Variants in SLC30A7 observed in about 807,000 individuals in gnomAD.
The protein encoded by SLC30A7 is zinc transporter 7.
A neutral mutation model predicts 46.0 loss-of-function variants in SLC30A7; 35 were observed. That is an observed-to-expected ratio of 0.76 (90% CI 0.58 to 1.01). SLC30A7 has a LOEUF of 1.01. Among genes scored for constraint, SLC30A7 ranks in the 50% least tolerant of loss-of-function variants. The probability of loss-of-function intolerance (pLI) is 0.00; values close to 1 mark genes in which losing one functional copy is unlikely to be tolerated. For missense variants in SLC30A7, 464 were observed against 451.1 expected (o/e 1.03, Z -0.26); for synonymous variants, 147 against 157.8 (o/e 0.93, Z 0.51).
intron 10 of SLC30A7, among the ~76,000 whole-genome samples, chr1:100,967,000 C>T (rs1049444474): frequency 1.3e-5 from 2 of 152,058 alleles, no homozygotes; most frequent in Non-Finnish European, 2.9e-5. Flanking sequence ...AGGCTCATGC[C>T]ATCATGAGTT....
chr1:100,952,747 T>C (rs1370634797), intron 8 of SLC30A7, among the ~76,000 whole-genome samples: 6 of 152,246 alleles, frequency 3.9e-5, no homozygotes, highest in Admixed American at 3.3e-4. Context: ...AGATTAACTG[T>C]ACTTTCAAAG....
In SLC30A7 at chr1:100,906,968, A is replaced by G. The variant is rs1651715469; in HGVS notation, c.296+3A>G. ...GATAATGATGCTTTCTCCTATGGGT[A>G]AGACTTTAAGAAAAAAAATCTTTTT... is the stretch of plus-strand genomic sequence containing the variant. On this transcript the variant is annotated splice_donor_region_variant and intron_variant, in intron 3 of 10. Transcript: ENST00000357650. 1 of 1,570,176 alleles carries G rather than the reference A, an allele frequency of 6.4e-7. No individual in the cohort carries two copies. The highest frequency in any genetic ancestry group is 1.1e-5 in the South Asian group (1 of 88,972).
At chr1:100,951,520 C>T (rs1654950156) in intron 8 of SLC30A7, among the ~76,000 whole-genome samples, 1 of 152,212 alleles carries the variant, frequency 6.6e-6, no homozygotes, top group Non-Finnish European at 1.5e-5. Context: ...AACTTTTCCA[C>T]AGCATTACTT....
intron 8 of SLC30A7, among the ~76,000 whole-genome samples, chr1:100,934,674 A>T (rs1186426453): frequency 6.7e-6 from 1 of 149,970 alleles, no homozygotes; most frequent in African/African-American, 2.4e-5. Context: ...ATACCTATAT[A>T]TATATATATT....
In SLC30A7 at chr1:100,918,203, T is replaced by G. The variant is rs960773410; in HGVS notation, c.706+76T>G. On this transcript the variant is annotated intron_variant, in intron 7 of 10. Coordinates refer to ENST00000357650, the MANE Select transcript of SLC30A7 (RefSeq NM_133496.5). ...GTTTTGAAGTTTTAGTTGTCTGAAG[T>G]TTTCCTTTAAGAAAAATATAAAACA... is the stretch of plus-strand genomic sequence containing the variant. 9.4e-6 allele frequency: 12 copies of G among 1,272,024 alleles called. No homozygotes were observed. The Admixed American group carries it at 1.1e-4, about 12-fold the overall frequency. The allele number at this position is 1,272,024 out of a possible 1,614,324, so 78.8% of individuals were successfully genotyped here.
At chr1:100,900,121 C>A (rs1365753483) in intron 2 of SLC30A7, among the ~76,000 whole-genome samples, 1 of 152,058 alleles carries the variant, frequency 6.6e-6, no homozygotes, top group Admixed American at 6.5e-5. Flanking sequence ...CACCTATTGT[C>A]CAAGTTTGAT....
chr1:100,912,131 A>G lies in SLC30A7; in HGVS notation c.404A>G (p.Asp135Gly), dbSNP rs1021351603. 6.2e-7 allele frequency: 1 copy of G among 1,613,774 alleles called. No homozygotes were observed. Among genetic ancestry groups the G allele is most frequent in the African/African-American group, 1.3e-5 (1 of 75,012 alleles). Residue 135 changes from aspartate (D) to glycine (G), a missense_variant, in exon 5 of 11, where the codon GAT becomes GGT. By Grantham distance (94) the Asp-to-Gly change is moderately conservative. Transcript: ENST00000357650. The part of the protein sequence containing the change: ...EGVERALAPP[D>G]VHHERLLLVS... ...TTCTAGAGAGCATTAGCCCCTCCAG[A>G]TGTCCACCATGAGAGACTGCTTCTT...
chr1:100,993,402 A>T, the SLC30A7 span, among the ~76,000 whole-genome samples: 1 of 151,192 alleles, frequency 6.6e-6, no homozygotes, highest in Admixed American at 6.6e-5. Context: ...AATAAAAAAA[A>T]TTAGCGTGGC....
At chr1:100,971,890 T>A (rs1034073240) in intron 10 of SLC30A7, among the ~76,000 whole-genome samples, 6 of 152,190 alleles carry the variant, frequency 3.9e-5, no homozygotes, top group Non-Finnish European at 8.8e-5. Context: ...TTCCGATTTG[T>A]TATCCTTTCT....
the SLC30A7 span, among the ~76,000 whole-genome samples, chr1:100,992,937 T>C: frequency 6.6e-6 from 1 of 152,210 alleles, no homozygotes; most frequent in South Asian, 2.1e-4. Context: ...TGTTCTAATT[T>C]AACTTTCCTC....
At chr1:100,912,740 T>C (rs1011525310) in intron 5 of SLC30A7, among the ~76,000 whole-genome samples, 1 of 150,926 alleles carries the variant, frequency 6.6e-6, no homozygotes, top group Admixed American at 6.6e-5. Flanking sequence ...AAAACAGGCA[T>C]GATGGCGCAT....
intron 8 of SLC30A7, among the ~76,000 whole-genome samples, chr1:100,943,467 G>A (rs1464718072): frequency 6.6e-6 from 1 of 152,140 alleles, no homozygotes; most frequent in African/African-American, 2.4e-5. Context: ...TGTCCTTTTG[G>A]GTTTTTATGG....
the SLC30A7 span, among the ~76,000 whole-genome samples, chr1:100,993,749 A>C: frequency 8.0e-5 from 12 of 150,206 alleles, no homozygotes; most frequent in Admixed American, 8.0e-4. Context: ...GTAAAAAGGC[A>C]ATTTTTTTTT....
chr1:100,931,543 A>ATT (rs199747674), intron 8 of SLC30A7, among the ~76,000 whole-genome samples: 2 of 151,432 alleles, frequency 1.3e-5, no homozygotes, highest in East Asian at 1.9e-4. Context: ...CTCACTGAGT[A>ATT]TTTTTTTTTA....
At chr1:100,904,138 A>G (rs1651479469) in intron 2 of SLC30A7, among the ~76,000 whole-genome samples, 1 of 152,224 alleles carries the variant, frequency 6.6e-6, no homozygotes, top group Non-Finnish European at 1.5e-5. Flanking sequence ...TAAGTAACTT[A>G]CTGGTCACGG....
chr1:100,955,007 T>G (rs1214460022), intron 8 of SLC30A7, among the ~76,000 whole-genome samples: 1 of 152,096 alleles, frequency 6.6e-6, no homozygotes, highest in Non-Finnish European at 1.5e-5. Flanking sequence ...TAGGAAAACT[T>G]AGCTCATAAG....
intron 8 of SLC30A7, among the ~76,000 whole-genome samples, chr1:100,935,728 G>A (rs1272097990): frequency 6.6e-6 from 1 of 152,130 alleles, no homozygotes; most frequent in Non-Finnish European, 1.5e-5. Flanking sequence ...TGTATATTGT[G>A]TAAATAAATG....
At chr1:100,964,368 A>G (rs1036042364) in intron 9 of SLC30A7, among the ~76,000 whole-genome samples, 2 of 104,298 alleles carry the variant, frequency 1.9e-5, no homozygotes, top group African/African-American at 8.5e-5. Flanking sequence ...ATGTATATGT[A>G]TATATAACAT....
the SLC30A7 span, chr1:100,990,675 T>C: frequency 1.3e-6 from 2 of 1,570,616 alleles, no homozygotes; most frequent in African/African-American, 2.7e-5. Flanking sequence ...AGCAAATGCA[T>C]CATCCATCCA....
Sources: gnomAD v4.1 joint callset for allele counts (sites outside exome capture counted in the v4.1 genomes callset) on GRCh38, gnomAD v4.1.1 for gene constraint, MANE v1.5 for transcripts, NCBI Gene and HGNC (gene_info 2026-07-23, HGNC 2026-07-21) for gene names.